The following ADAMTS9 variants were observed in gnomAD, a reference collection of about 807,000 sequenced individuals.
ADAMTS9 encodes the protein A disintegrin and metalloproteinase with thrombospondin motifs 9.
A neutral mutation model predicts 257.1 loss-of-function variants in ADAMTS9; 107 were observed. The observed-to-expected ratio is 0.42, with a 90% CI of 0.36 to 0.49. The LOEUF (loss-of-function observed/expected upper bound fraction) is 0.49, where lower values mean the gene tolerates loss of function less well. Among genes scored for constraint, ADAMTS9 ranks in the 20% least tolerant of loss-of-function variants. The pLI, the probability that ADAMTS9 is intolerant of heterozygous loss-of-function variation, is 0.03. For synonymous variants in ADAMTS9, 982 were observed against 880.9 expected (o/e 1.11, Z -2.03); for missense variants, 2,353 against 2,469.1 (o/e 0.95, Z 1.00).
chr3:64,593,316 G>T (rs58653291), intron 28 of ADAMTS9, among the ~76,000 whole-genome samples: 3 of 152,114 alleles, frequency 2.0e-5, no homozygotes, highest in Non-Finnish European at 4.4e-5. Flanking sequence ...CTCTTTAGCT[G>T]GTTTCAGGGA....
intron 8 of ADAMTS9, among the ~76,000 whole-genome samples, chr3:64,652,847 C>T (rs1384451512): frequency 6.6e-6 from 1 of 152,134 alleles, no homozygotes; most frequent in Non-Finnish European, 1.5e-5. Context: ...TCCTCCAAGA[C>T]CCAAAACTTT....
At chr3:64,550,015 C>A (rs1174736712) in intron 31 of ADAMTS9, 2 of 151,958 alleles carry the variant, frequency 1.3e-5, no homozygotes, top group African/African-American at 4.8e-5. Flanking sequence ...TTTTCAATAC[C>A]TTTACTGTGA....
intron 28 of ADAMTS9, among the ~76,000 whole-genome samples, chr3:64,577,334 G>C (rs1576059279): frequency 6.6e-6 from 1 of 152,090 alleles, no homozygotes; most frequent in Non-Finnish European, 1.5e-5. Flanking sequence ...TGTTTTTGTA[G>C]GACTTCTTTT....
intron 38 of ADAMTS9, among the ~76,000 whole-genome samples, chr3:64,526,354 A>G (rs999680518): frequency 1.3e-5 from 2 of 152,178 alleles, no homozygotes; most frequent in Non-Finnish European, 2.9e-5. Flanking sequence ...AAACAGTGCC[A>G]GTTTAACAAT....
Position 64,591,797 on chromosome 3 carries a change from G to A in ADAMTS9, c.4356+2461C>T, listed in dbSNP as rs576062404. 5.3e-5 allele frequency among the ~76,000 whole-genome samples: 8 copies of A among 152,254 alleles called. No homozygotes were observed. In the South Asian group the frequency reaches 1.5e-3, roughly 28 times the overall value. On this transcript the variant is annotated intron_variant, in intron 28 of 39. Coordinates refer to ENST00000498707, the MANE Select transcript of ADAMTS9 (RefSeq NM_182920.2). Reference sequence around the variant, plus strand: ...GCTTCTTGACATCATCTAATGCATGGGAGTACTGGGAGAGAGAAAGCAACC... The same window carrying A: ...GCTTCTTGACATCATCTAATGCATGAGAGTACTGGGAGAGAGAAAGCAACC...
intron 16 of ADAMTS9, among the ~76,000 whole-genome samples, chr3:64,625,672 A>T (rs1425499927): frequency 6.6e-6 from 1 of 152,226 alleles, no homozygotes; most frequent in Non-Finnish European, 1.5e-5. Context: ...CCAAGAGAAG[A>T]ATAAGGTGCC....
intron 38 of ADAMTS9, among the ~76,000 whole-genome samples, chr3:64,525,055 G>T (rs1303744149): frequency 6.6e-6 from 1 of 152,134 alleles, no homozygotes; most frequent in Non-Finnish European, 1.5e-5. Context: ...CCTGTAAATG[G>T]GTAATTCTTT....
chr3:64,630,344 G>A (rs1395281744), intron 16 of ADAMTS9, among the ~76,000 whole-genome samples: 3 of 152,124 alleles, frequency 2.0e-5, no homozygotes, highest in Non-Finnish European at 4.4e-5. Context: ...CAGGAAGATC[G>A]CTTGAGGCCA....
At chr3:64,668,383 T>C (rs1212877143) in intron 3 of ADAMTS9, among the ~76,000 whole-genome samples, 1 of 152,210 alleles carries the variant, frequency 6.6e-6, no homozygotes, top group Non-Finnish European at 1.5e-5. Flanking sequence ...TGGTGCATTC[T>C]AGGCAGGAAG....
intron 12 of ADAMTS9, among the ~76,000 whole-genome samples, chr3:64,636,743 A>G (rs913654899): frequency 1.3e-5 from 2 of 152,244 alleles, no homozygotes; most frequent in African/African-American, 4.8e-5. Flanking sequence ...GTGTCCATAA[A>G]TAAAGATTTA....
chr3:64,637,209 T>G (rs1184610946), intron 12 of ADAMTS9, among the ~76,000 whole-genome samples: 4 of 152,226 alleles, frequency 2.6e-5, no homozygotes, highest in Non-Finnish European at 5.9e-5. Context: ...AGAGAAAGCT[T>G]CAGCCAACCA....
At chr3:64,684,355 T>C (rs1047909658) in intron 2 of ADAMTS9, among the ~76,000 whole-genome samples, 6 of 151,982 alleles carry the variant, frequency 3.9e-5, no homozygotes, top group African/African-American at 7.2e-5. Context: ...CCATCTCAGA[T>C]GAAATTCAGA....
chr3:64,573,418 G>A (rs1377628597), intron 28 of ADAMTS9, among the ~76,000 whole-genome samples: 3 of 152,180 alleles, frequency 2.0e-5, no homozygotes, highest in Admixed American at 1.3e-4. Flanking sequence ...CAAGATAAAT[G>A]TCATATACGA....
At chr3:64,542,591 C>G (rs1178031769) in intron 32 of ADAMTS9, among the ~76,000 whole-genome samples, 2 of 151,988 alleles carry the variant, frequency 1.3e-5, no homozygotes, top group African/African-American at 2.4e-5. Flanking sequence ...CCTCGCCCAA[C>G]AAATTTTTGT....
chr3:64,600,841 C>T (rs2084446634), intron 26 of ADAMTS9, among the ~76,000 whole-genome samples: 1 of 152,186 alleles, frequency 6.6e-6, no homozygotes. Context: ...TTTACTGAAA[C>T]ATAACCGCAG....
At chr3:64,549,407 G>A (rs543003795) in intron 31 of ADAMTS9, among the ~76,000 whole-genome samples, 1 of 152,284 alleles carries the variant, frequency 6.6e-6, no homozygotes, top group South Asian at 2.1e-4. Flanking sequence ...CAGGTGAAAG[G>A]TGAGATCCCC....
At chr3:64,575,959 A>G (rs773281524) in intron 28 of ADAMTS9, among the ~76,000 whole-genome samples, 6 of 152,232 alleles carry the variant, frequency 3.9e-5, no homozygotes, top group Admixed American at 2.0e-4. Flanking sequence ...GGAGTCTAAC[A>G]TTCTAACAGA....
rs187010365 is a variant in ADAMTS9 at position 64,553,351 on chromosome 3, G to A, written c.4699-2289C>T. Among the ~76,000 whole-genome samples, 8 of 152,158 alleles carry A rather than the reference G, an allele frequency of 5.3e-5. No homozygotes were observed. In the East Asian group the frequency reaches 1.2e-3, roughly 22 times the overall value. ...ACTTCTCTCCCTTAATGTTTTCGAG[G>A]TTCTTCCATATTGCAGCATGTATCA... On this transcript the variant is annotated intron_variant, in intron 30 of 39. Coordinates refer to ENST00000498707, the MANE Select transcript of ADAMTS9 (RefSeq NM_182920.2).
intron 27 of ADAMTS9, among the ~76,000 whole-genome samples, 171 bp downstream of exon 27, chr3:64,596,659 A>G (rs2084369613): frequency 1.3e-5 from 2 of 152,222 alleles, no homozygotes; most frequent in Non-Finnish European, 2.9e-5. Context: ...TAGTGGTAAT[A>G]GGAACACTTT....
Sources: gnomAD v4.1 joint callset for allele counts (sites outside exome capture counted in the v4.1 genomes callset) on GRCh38, gnomAD v4.1.1 for gene constraint, MANE v1.5 for transcripts, NCBI Gene and HGNC (gene_info 2026-07-23, HGNC 2026-07-21) for gene names.